Variants in GPC6 observed in about 807,000 individuals in gnomAD.
GPC6 encodes the protein glypican-6.
In GPC6, 14 loss-of-function variants were observed where a neutral mutation model predicts 55.2. The observed-to-expected ratio is 0.25, with a 90% CI of 0.17 to 0.40. The LOEUF is 0.40. Ranked by LOEUF, GPC6 falls within the 10% of genes least tolerant of loss-of-function variation. GPC6 has a pLI of 1.00. For missense variants in GPC6, 641 were observed against 708.5 expected, an observed-to-expected ratio of 0.90 and a Z score of 1.08; for synonymous variants, 278 against 259.6, an observed-to-expected ratio of 1.07 and a Z score of -0.68.
intron 6 of GPC6, among the ~76,000 whole-genome samples, chr13:94,332,177 T>C (rs558785235): frequency 1.3e-5 from 2 of 152,362 alleles, no homozygotes; most frequent in African/African-American, 4.8e-5. Context: ...TATAATTCTT[T>C]TGGGCCCCTT....
chr13:93,319,373 T>G (rs193189321), intron 1 of GPC6, among the ~76,000 whole-genome samples: 36 of 152,096 alleles, frequency 2.4e-4, no homozygotes, highest in Admixed American at 1.6e-3. Flanking sequence ...AAAAGGAAAT[T>G]GGAGAAACTA....
intron 2 of GPC6, among the ~76,000 whole-genome samples, chr13:93,819,788 A>G (rs10775112): frequency 0.38 from 57,820 of 152,050 alleles, 11,873 homozygotes; most frequent in African/African-American, 0.53. Flanking sequence ...CTATACCACC[A>G]TGAGAACATA....
At chr13:93,706,765 A>T (rs148745769) in intron 2 of GPC6, among the ~76,000 whole-genome samples, 3,862 of 151,988 alleles carry the variant, frequency 0.025, 78 homozygotes, top group Non-Finnish European at 0.04. Context: ...AGTCACTATA[A>T]TTAGGTTTTA....
chr13:94,209,306 G>C (rs935952660), intron 4 of GPC6, among the ~76,000 whole-genome samples: 1 of 152,176 alleles, frequency 6.6e-6, no homozygotes, highest in Non-Finnish European at 1.5e-5. Flanking sequence ...TTGGTTGTTA[G>C]AGTGAGCATT....
chr13:94,015,681 A>G (rs1882437036), intron 3 of GPC6, among the ~76,000 whole-genome samples: 2 of 152,110 alleles, frequency 1.3e-5, no homozygotes, highest in Admixed American at 1.3e-4. Flanking sequence ...AGATGGTATG[A>G]GGTAGGGTAG....
intron 1 of GPC6, among the ~76,000 whole-genome samples, chr13:93,411,225 G>A (rs777459366): frequency 1.1e-4 from 16 of 152,112 alleles, no homozygotes; most frequent in East Asian, 1.9e-4. Context: ...TGGAGTCTTC[G>A]TCAACAGACA....
intron 1 of GPC6, among the ~76,000 whole-genome samples, chr13:93,470,929 G>A (rs915897609): frequency 7.2e-5 from 11 of 151,862 alleles, no homozygotes; most frequent in African/African-American, 2.2e-4. Context: ...TCATAGAGTT[G>A]TTCATATATT....
At chr13:93,300,452 T>C (rs1878636470) in intron 1 of GPC6, among the ~76,000 whole-genome samples, 1 of 149,264 alleles carries the variant, frequency 6.7e-6, no homozygotes, top group South Asian at 2.1e-4. Flanking sequence ...ATTGAGACCA[T>C]CCTGGCTAAC....
chr13:93,734,472 G>C (rs925462255), intron 2 of GPC6, among the ~76,000 whole-genome samples: 6 of 152,092 alleles, frequency 3.9e-5, no homozygotes, highest in Non-Finnish European at 7.4e-5. Flanking sequence ...ATACTTTTGA[G>C]GGACTGGAAA....
chr13:94,185,199 C>T (rs1889130131), intron 4 of GPC6, among the ~76,000 whole-genome samples: 1 of 150,288 alleles, frequency 6.7e-6, no homozygotes, highest in Admixed American at 6.7e-5. Flanking sequence ...ACTATGCTTA[C>T]TACCTGGGTG....
At chr13:93,898,964 T>TATAC (rs1555340183) in intron 3 of GPC6, among the ~76,000 whole-genome samples, 1 of 143,004 alleles carries the variant, frequency 7.0e-6, no homozygotes, top group Non-Finnish European at 1.5e-5. Context: ...TATATATATA[T>TATAC]ATACACACAC....
rs201615381 is a variant in GPC6, at chr13:93,639,090, T to TA, written c.319+93679dup. 4.4e-4 allele frequency among the ~76,000 whole-genome samples: 64 copies of TA among 145,804 alleles called. 1 individual carries two copies. Among genetic ancestry groups the TA allele is most frequent in the African/African-American group, 1.0e-3 (40 of 39,764 alleles). On this transcript the variant is annotated intron_variant, in intron 2 of 8. Transcript: ENST00000377047. ...TGGAGGAAAATAAACAATGAAATAA[T>TA]AAAAAAAAAAGTTTGTCACGTAATA...
At chr13:93,878,504 G>A (rs1380302918) in intron 3 of GPC6, among the ~76,000 whole-genome samples, 2 of 152,038 alleles carry the variant, frequency 1.3e-5, no homozygotes, top group African/African-American at 4.8e-5. Context: ...TCAGCCTCCC[G>A]AGTAACTGGG....
chr13:93,225,735 T>C (rs1440322437), upstream of GPC6, among the ~76,000 whole-genome samples: 1 of 152,222 alleles, frequency 6.6e-6, no homozygotes, highest in East Asian at 1.9e-4. Flanking sequence ...TTAAACTTCA[T>C]GAGTCATTCT....
At chr13:94,355,791 T>G (rs904453171) in intron 6 of GPC6, among the ~76,000 whole-genome samples, 1 of 152,140 alleles carries the variant, frequency 6.6e-6, no homozygotes, top group South Asian at 2.1e-4. Context: ...TAACTTAATT[T>G]TAAGTTCTGG....
At chr13:93,862,895 A>G (rs1888858354) in intron 3 of GPC6, among the ~76,000 whole-genome samples, 1 of 151,562 alleles carries the variant, frequency 6.6e-6, no homozygotes, top group Non-Finnish European at 1.5e-5. Context: ...TTTTCATAAC[A>G]TCTTTTAAGA....
chr13:93,893,290 C>T (rs1042406066), intron 3 of GPC6, among the ~76,000 whole-genome samples: 4 of 152,042 alleles, frequency 2.6e-5, no homozygotes, highest in Admixed American at 2.6e-4. Flanking sequence ...AACTCCTGAC[C>T]TCAGGTGATC....
intron 2 of GPC6, among the ~76,000 whole-genome samples, chr13:93,728,097 AC>A (rs1198509806): frequency 6.6e-6 from 1 of 151,922 alleles, no homozygotes; most frequent in East Asian, 1.9e-4. Flanking sequence ...AGCTTCCTTG[AC>A]CCTCTGTAAA....
intron 2 of GPC6, among the ~76,000 whole-genome samples, chr13:93,795,337 A>C (rs1594463750): frequency 6.6e-6 from 1 of 152,204 alleles, no homozygotes; most frequent in Non-Finnish European, 1.5e-5. Context: ...TCTGGATATC[A>C]AGACAATCCC....
Sources: allele counts gnomAD v4.1 joint callset (sites outside exome capture counted in the v4.1 genomes callset), GRCh38; gene constraint gnomAD v4.1.1; transcripts MANE v1.5; gene names NCBI Gene and HGNC (gene_info 2026-07-23, HGNC 2026-07-21).